Variants in SP140L observed in about 807,000 individuals in gnomAD.
The protein encoded by SP140L is SP140 like nuclear body protein.
In SP140L, 64 loss-of-function variants were observed where a neutral mutation model predicts 84.3. That is an observed-to-expected ratio of 0.76 (90% confidence interval 0.62 to 0.94). The LOEUF is 0.94. Ranked by LOEUF, SP140L falls within the 40% of genes least tolerant of loss-of-function variation. The probability of loss-of-function intolerance (pLI) is 0.00; values close to 1 mark genes in which losing one functional copy is unlikely to be tolerated. For missense variants in SP140L, 628 were observed against 692.5 expected, an observed-to-expected ratio of 0.91 and a Z score of 1.05; for synonymous variants, 242 against 236.9, an observed-to-expected ratio of 1.02 and a Z score of -0.20.
intron 7 of SP140L, 75 bp downstream of exon 7, chr2:230,371,726 T>C: frequency 2.3e-6 from 3 of 1,315,354 alleles, no homozygotes; most frequent in Admixed American, 4.1e-5. Flanking sequence ...CTTTTTGTCA[T>C]TGTTACTGTT....
At chr2:230,389,783 A>G in intron 10 of SP140L, 136 bp from the exon 11 acceptor site, 1 of 855,736 alleles carries the variant, frequency 1.2e-6, no homozygotes, top group Non-Finnish European at 1.8e-6. Flanking sequence ...CACTTGGAAG[A>G]AAGACTTTGA....
intron 1 of SP140L, 149 bp downstream of exon 1, chr2:230,327,450 T>C (rs1478945935): frequency 1.1e-6 from 1 of 946,702 alleles, no homozygotes; most frequent in East Asian, 2.7e-5. Flanking sequence ...TAAAAGAGAA[T>C]GTAATAAGGA....
Position 230,389,993 on chromosome 2 carries a change from G to A in SP140L, c.934G>A (p.Gly312Arg), listed in dbSNP as rs1342154792. 6.2e-7 allele frequency: 1 copy of A among 1,613,708 alleles called. No homozygotes were observed. The highest frequency in any genetic ancestry group is 8.5e-7 in the Non-Finnish European group (1 of 1,179,778). ...TCCAGTGACCTGTGGTGGGGTGAAGGGAATTTTACATAAGGAGAAATTGGA... is the reference window on the plus strand; with the variant it reads ...TCCAGTGACCTGTGGTGGGGTGAAGAGAATTTTACATAAGGAGAAATTGGA... ...LLPVTCGGVK[G>R]ILHKEKLEQG... The change falls in exon 11 of 19, where the codon GGA becomes AGA. Residue 312 changes from glycine (G) to arginine (R), a missense_variant. Around this residue, in one of 4 missense-constraint regions of SP140L, gnomAD observed 525 missense variants for 518.4 expected, o/e 1.01. Transcript: ENST00000415673.
intron 14 of SP140L, among the ~76,000 whole-genome samples, chr2:230,398,512 C>G (rs2062160339): frequency 6.6e-6 from 1 of 152,212 alleles, no homozygotes; most frequent in African/African-American, 2.4e-5. Flanking sequence ...CAGGAACATT[C>G]CAGCAAAACA....
chr2:230,391,292 C>T (rs1438746483), intron 11 of SP140L, among the ~76,000 whole-genome samples: 1 of 152,116 alleles, frequency 6.6e-6, no homozygotes, highest in Non-Finnish European at 1.5e-5. Context: ...GAGGAAACAC[C>T]AAAGTGTTTT....
At position 230,357,973 on chromosome 2, in the gene SP140L, TAA is replaced by T. The variant is rs1202355811; in HGVS notation, c.270+8_270+9del. On this transcript the variant is annotated splice_region_variant and intron_variant, in intron 3 of 18. Coordinates refer to ENST00000415673, the MANE Select transcript of SP140L (RefSeq NM_138402.6). ...TCACAAATAAAATGTTTGAAGTAAG[TAA>T]AGTTTATTTCACAACCTGGCAGATA... 7 of 1,612,454 alleles carry T rather than the reference TAA, an allele frequency of 4.3e-6. No individual in the cohort carries two copies. The highest frequency in any genetic ancestry group is 4.5e-5 in the East Asian group (2 of 44,872).
chr2:230,370,762 A>G, intron 5 of SP140L, 146 bp from the exon 6 acceptor site: 1 of 648,080 alleles, frequency 1.5e-6, no homozygotes, highest in South Asian at 1.9e-5. Flanking sequence ...ATTTCGGAGG[A>G]AAAAGTAGAG....
At chr2:230,345,872 T>G (rs1356425624) in intron 2 of SP140L, among the ~76,000 whole-genome samples, 1 of 152,190 alleles carries the variant, frequency 6.6e-6, no homozygotes, top group Non-Finnish European at 1.5e-5. Flanking sequence ...AAATGTTTGA[T>G]TTTTAATTTT....
intron 10 of SP140L, 43 bp from the exon 11 acceptor site, chr2:230,389,876 G>A: frequency 3.8e-6 from 6 of 1,588,340 alleles, no homozygotes; most frequent in Non-Finnish European, 4.3e-6. Context: ...GGGGGGATGT[G>A]CCTTTGCAAA....
intron 11 of SP140L, chr2:230,391,748 C>T (rs2061816438): frequency 8.6e-6 from 2 of 232,570 alleles, no homozygotes; most frequent in South Asian, 1.5e-4. Context: ...GTCTCTACTC[C>T]CAGAATTCAA....
intron 7 of SP140L, 190 bp downstream of exon 7, chr2:230,371,841 G>A (rs1273640104): frequency 1.5e-5 from 9 of 592,202 alleles, no homozygotes; most frequent in Admixed American, 5.5e-5. Context: ...CATGGCAAAC[G>A]GGACTTTACA....
In SP140L at chr2:230,396,932, G is replaced by A. The variant is rs1214255475; in HGVS notation, c.1197+134G>A. On this transcript the variant is annotated intron_variant, in intron 14 of 18. Coordinates refer to ENST00000415673, the MANE Select transcript of SP140L (RefSeq NM_138402.6). ...AGTATGTGGCTGTGTGAATTCAGTT[G>A]CATCACCCAAGCCAGGTAGATGTGC... 15 of 1,072,506 alleles carry A rather than the reference G, an allele frequency of 1.4e-5. No individual in the cohort carries two copies. In the African/African-American group the frequency reaches 1.4e-4, roughly 10 times the overall value. 66.4% of individuals were successfully genotyped at this position (1,072,506 alleles called of 1,614,324 possible).
chr2:230,336,760 G>A (rs915465015), intron 2 of SP140L, among the ~76,000 whole-genome samples: 1 of 152,050 alleles, frequency 6.6e-6, no homozygotes, highest in African/African-American at 2.4e-5. Flanking sequence ...CTATATCACT[G>A]TCAGACTTTC....
chr2:230,396,145 G>C (rs2062037747), intron 13 of SP140L, among the ~76,000 whole-genome samples: 1 of 152,174 alleles, frequency 6.6e-6, no homozygotes, highest in Admixed American at 6.5e-5. Flanking sequence ...GCCCCTTGGA[G>C]TAAGAGGACA....
chr2:230,389,472 T>A lies in SP140L; in HGVS notation c.860-447T>A, dbSNP rs546043889. The stretch of plus-strand genomic sequence containing the variant: ...GAAGGCAGGTGCTGTCTCCATTAGG[T>A]TATCTCATCATTAGCCTCTCCCTCC... On this transcript the variant is annotated intron_variant, in intron 10 of 18. Coordinates refer to ENST00000415673, the MANE Select transcript of SP140L (RefSeq NM_138402.6). Among the ~76,000 whole-genome samples the A allele has an allele frequency of 3.9e-5, 6 of 152,138 alleles. No individual in the cohort carries two copies. The South Asian group carries it at 1.2e-3, about 32-fold the overall frequency.
intron 2 of SP140L, among the ~76,000 whole-genome samples, chr2:230,355,634 A>C (rs933307424): frequency 7.2e-5 from 11 of 152,190 alleles, no homozygotes; most frequent in Admixed American, 1.3e-4. Flanking sequence ...TCTTTAAGCC[A>C]TGGTATTCAA....
At chr2:230,359,396 A>T (rs1008698876) in intron 4 of SP140L, among the ~76,000 whole-genome samples, 31 of 152,204 alleles carry the variant, frequency 2.0e-4, no homozygotes, top group African/African-American at 7.0e-4. Flanking sequence ...AAGATAAGAA[A>T]CACAGAACAC....
In SP140L at chr2:230,357,842, G is replaced by C; in HGVS notation, c.145G>C (p.Val49Leu). ...TEDQDVDEGL[V>L]YDTVFKHFKR... Reference sequence around the variant, plus strand: ...AGACCAGGATGTAGATGAGGGACTTGTCTATGACACTGTATTCAAGCACTT... The same window carrying C: ...AGACCAGGATGTAGATGAGGGACTTCTCTATGACACTGTATTCAAGCACTT... The change falls in exon 3 of 19, where the codon GTC becomes CTC. Residue 49 changes from valine (V) to leucine (L), a missense_variant. Physicochemically the swap from Val to Leu is conservative, Grantham distance 32 (BLOSUM62 1). Around this residue, in one of 4 missense-constraint regions of SP140L, gnomAD observed 525 missense variants for 518.4 expected, o/e 1.01. Coordinates refer to ENST00000415673, the MANE Select transcript of SP140L (RefSeq NM_138402.6). The C allele has an allele frequency of 6.2e-7, 1 of 1,613,932 alleles. No individual in the cohort carries two copies. Among genetic ancestry groups the C allele is most frequent in the Non-Finnish European group, 8.5e-7 (1 of 1,179,894 alleles).
chr2:230,349,032 G>T (rs1403952666), intron 2 of SP140L, among the ~76,000 whole-genome samples: 1 of 152,210 alleles, frequency 6.6e-6, no homozygotes, highest in Non-Finnish European at 1.5e-5. Flanking sequence ...TTAGATCCAT[G>T]ATCCATTTTT....
Sources: allele counts gnomAD v4.1 joint callset (sites outside exome capture counted in the v4.1 genomes callset), GRCh38; gene constraint gnomAD v4.1.1; regional missense constraint gnomAD v4.1.1; transcripts MANE v1.5; gene names NCBI Gene and HGNC (gene_info 2026-07-23, HGNC 2026-07-21).